Variants in DCBLD2 observed in about 807,000 individuals in gnomAD.
DCBLD2 encodes the protein discoidin, CUB and LCCL domain-containing protein 2.
DCBLD2 carries 54 observed loss-of-function variants against 86.8 expected under a neutral mutation model. The observed-to-expected ratio is 0.62, with a 90% confidence interval of 0.50 to 0.78. DCBLD2 has a LOEUF of 0.78. Ranked by LOEUF, DCBLD2 falls within the 30% of genes least tolerant of loss-of-function variation. DCBLD2 has a pLI of 0.00. For missense variants in DCBLD2, 908 were observed against 954.2 expected (o/e 0.95, Z 0.64); for synonymous variants, 354 against 341.3 (o/e 1.04, Z -0.41).
intron 3 of DCBLD2, among the ~76,000 whole-genome samples, chr3:98,838,349 C>T (rs1390079175): frequency 9.0e-4 from 85 of 94,756 alleles, no homozygotes; most frequent in Non-Finnish European, 1.5e-3. Context: ...CGGGCAGAGA[C>T]GCTCCTCACC....
intron 2 of DCBLD2, among the ~76,000 whole-genome samples, chr3:98,861,635 A>G (rs1238878836): frequency 1.7e-4 from 26 of 152,356 alleles, no homozygotes; most frequent in Middle Eastern, 3.4e-3. Flanking sequence ...TACTGGGTAC[A>G]TAACGAAATG....
At chr3:98,864,918 T>C (rs535681057) in intron 2 of DCBLD2, among the ~76,000 whole-genome samples, 1 of 152,172 alleles carries the variant, frequency 6.6e-6, no homozygotes, top group South Asian at 2.1e-4. Flanking sequence ...CACAATGAGA[T>C]ATCACCTCAT....
chr3:98,830,505 A>G (rs1384647271), intron 3 of DCBLD2, among the ~76,000 whole-genome samples: 1 of 152,104 alleles, frequency 6.6e-6, no homozygotes, highest in African/African-American at 2.4e-5. Context: ...TCCTTTCTAC[A>G]TTGTTTATTT....
intron 2 of DCBLD2, among the ~76,000 whole-genome samples, chr3:98,852,341 C>T (rs941078252): frequency 1.3e-5 from 2 of 151,588 alleles, no homozygotes; most frequent in Non-Finnish European, 2.9e-5. Context: ...CTGCCTCCCA[C>T]GTTCAAGCAA....
intron 1 of DCBLD2, chr3:98,890,431 T>G (rs977543011): frequency 2.0e-5 from 3 of 152,080 alleles, no homozygotes; most frequent in African/African-American, 7.2e-5. Context: ...CTGCACACCC[T>G]GCTGTCAGAA....
intron 3 of DCBLD2, among the ~76,000 whole-genome samples, chr3:98,839,149 T>TTCTTTC (rs1459343685): frequency 6.8e-4 from 3 of 4,428 alleles, no homozygotes; most frequent in East Asian, 0.017. Context: ...CCTTCCTTCT[T>TTCTTTC]TCTTTCTTTC....
intron 1 of DCBLD2, among the ~76,000 whole-genome samples, 187 bp from the exon 2 acceptor site, chr3:98,881,954 T>A (rs1943479439): frequency 6.6e-6 from 1 of 152,224 alleles, no homozygotes; most frequent in Non-Finnish European, 1.5e-5. Context: ...GATGTTCTGA[T>A]ACATATGATG....
rs767895834 is a variant in DCBLD2, at chr3:98,817,896, G to A, written c.1088-3C>T. 5.0e-6 allele frequency: 8 copies of A among 1,612,400 alleles called. No individual in the cohort carries two copies. The highest frequency in any genetic ancestry group is 6.8e-6 in the Non-Finnish European group (8 of 1,179,008). On this transcript the variant is annotated splice_polypyrimidine_tract_variant and splice_region_variant and intron_variant, in intron 8 of 15. Coordinates refer to ENST00000326840, the MANE Select transcript of DCBLD2 (RefSeq NM_080927.4). Reference sequence around the variant, plus strand: ...GGTGGATCCAGTGGTTATAATGCCTGGGGAATGAAGAGTTGCTTTCATTAA... The same window carrying A: ...GGTGGATCCAGTGGTTATAATGCCTAGGGAATGAAGAGTTGCTTTCATTAA...
At chr3:98,839,611 G>A (rs1016170078) in intron 3 of DCBLD2, among the ~76,000 whole-genome samples, 5 of 152,146 alleles carry the variant, frequency 3.3e-5, no homozygotes, top group East Asian at 1.9e-4. Context: ...CTGGCAGTTC[G>A]TTCATTTATT....
At chr3:98,877,627 T>A (rs1051169655) in intron 2 of DCBLD2, among the ~76,000 whole-genome samples, 1 of 152,126 alleles carries the variant, frequency 6.6e-6, no homozygotes, top group Admixed American at 6.6e-5. Flanking sequence ...TATACAAATG[T>A]CTATTTACTA....
At chr3:98,869,138 T>C (rs1943214582) in intron 2 of DCBLD2, among the ~76,000 whole-genome samples, 2 of 152,318 alleles carry the variant, frequency 1.3e-5, no homozygotes, top group South Asian at 2.1e-4. Flanking sequence ...GACTTCTTAA[T>C]GGCCATTCTG....
chr3:98,874,076 T>A (rs1943323815), intron 2 of DCBLD2, among the ~76,000 whole-genome samples: 1 of 152,284 alleles, frequency 6.6e-6, no homozygotes, highest in East Asian at 1.9e-4. Flanking sequence ...ACCAATTTCC[T>A]GAGAAGAAAC....
intron 1 of DCBLD2, among the ~76,000 whole-genome samples, chr3:98,897,462 G>A (rs1943769751): frequency 6.6e-6 from 1 of 152,108 alleles, no homozygotes; most frequent in East Asian, 1.9e-4. Context: ...AAAGACAATG[G>A]AAATTTCTAA....
intron 1 of DCBLD2, among the ~76,000 whole-genome samples, chr3:98,883,974 T>C (rs1371291154): frequency 6.6e-6 from 1 of 152,148 alleles, no homozygotes; most frequent in Admixed American, 6.5e-5. Flanking sequence ...TAAATAAATG[T>C]TTATTAATTG....
At chr3:98,818,228 A>G (rs544125626) in intron 8 of DCBLD2, among the ~76,000 whole-genome samples, 295 of 152,360 alleles carry the variant, frequency 1.9e-3, no homozygotes, top group South Asian at 7.0e-3. Context: ...TATTATTTAC[A>G]GTACCAAAAC....
In DCBLD2 at chr3:98,799,740, G is replaced by C. The variant is rs1330196888; in HGVS notation, c.1960C>G (p.Pro654Ala). Residue 654 changes from proline to alanine, a missense_variant, in exon 16 of 16, where the codon CCT (proline) becomes GCT (alanine). Pro to Ala is a conservative substitution (Grantham distance 27, BLOSUM62 -1). Around this residue, in one of 3 missense-constraint regions of DCBLD2, gnomAD observed 606 missense variants for 678.5 expected, o/e 0.89. Transcript: ENST00000326840. Reference sequence around the variant, plus strand: ...ACTTCCTGCCCTGGTGAGTTGTAAGGATCTAGGTCTGCATAGCCTGCTTCT... The same window carrying C: ...ACTTCCTGCCCTGGTGAGTTGTAAGCATCTAGGTCTGCATAGCCTGCTTCT... ...GKEAGYADLD[P>A]YNSPGQEVYH... The C allele has an allele frequency of 9.9e-6, 16 of 1,613,862 alleles. No individual in the cohort carries two copies. The highest frequency in any genetic ancestry group is 1.4e-5 in the Non-Finnish European group (16 of 1,179,884).
At position 98,884,530 on chromosome 3, in the gene DCBLD2, T is replaced by A. The variant is rs1943525944; in HGVS notation, c.206-2763A>T. On this transcript the variant is annotated intron_variant, in intron 1 of 15. Transcript: ENST00000326840. ...ATCTACTGTGAAAATAAATGAATTG[T>A]AAGATAAATAACTCTTAAACAATCA... 2.0e-5 allele frequency among the ~76,000 whole-genome samples: 3 copies of A among 152,034 alleles called. No homozygotes were observed. The South Asian group carries it at 6.2e-4, about 31-fold the overall frequency.
At chr3:98,869,394 TTC>T (rs1265930389) in intron 2 of DCBLD2, among the ~76,000 whole-genome samples, 3 of 152,254 alleles carry the variant, frequency 2.0e-5, no homozygotes, top group Non-Finnish European at 4.4e-5. Context: ...ATTCTGTAGG[TTC>T]TCTGTTTACT....
intron 2 of DCBLD2, among the ~76,000 whole-genome samples, chr3:98,871,660 G>A (rs1943284008): frequency 6.6e-6 from 1 of 152,052 alleles, no homozygotes. Flanking sequence ...TTGATATACT[G>A]CTGAATCTGG....
Sources: gnomAD v4.1 joint callset for allele counts (sites outside exome capture counted in the v4.1 genomes callset) on GRCh38, gnomAD v4.1.1 for gene constraint, gnomAD v4.1.1 regional missense constraint, MANE v1.5 for transcripts, NCBI Gene and HGNC (gene_info 2026-07-23, HGNC 2026-07-21) for gene names.